TANC1: variants seen among roughly 807,000 people sequenced by gnomAD.
The protein encoded by TANC1 is protein TANC1.
TANC1 carries 77 observed loss-of-function variants against 149.7 expected under a neutral mutation model. The observed-to-expected ratio is 0.51, with a 90% CI of 0.43 to 0.62. The LOEUF is 0.62. Ranked by LOEUF, TANC1 falls within the 20% of genes least tolerant of loss-of-function variation. The pLI is 0.00. For synonymous variants in TANC1, 854 were observed against 925.0 expected (o/e 0.92, Z 1.39); for missense variants, 1,985 against 2,321.8 (o/e 0.85, Z 2.98).
chr2:159,006,712 G>A (rs2037215774), intron 2 of TANC1, among the ~76,000 whole-genome samples: 2 of 152,144 alleles, frequency 1.3e-5, no homozygotes, highest in Non-Finnish European at 2.9e-5. Context: ...GAGACCCACA[G>A]CATTTTTTGA....
At chr2:159,074,598 G>A (rs2043464552) in intron 3 of TANC1, among the ~76,000 whole-genome samples, 1 of 152,116 alleles carries the variant, frequency 6.6e-6, no homozygotes, top group South Asian at 2.1e-4. Context: ...TTCTTTGTGA[G>A]GGCTTGCTCT....
At chr2:159,138,495 T>G (rs1445472536) in intron 5 of TANC1, among the ~76,000 whole-genome samples, 3 of 152,152 alleles carry the variant, frequency 2.0e-5, no homozygotes, top group East Asian at 3.9e-4. Context: ...CATGTCAAAG[T>G]GTAAATTTTA....
At chr2:159,054,352 C>CAT (rs2041692689) in intron 2 of TANC1, among the ~76,000 whole-genome samples, 1 of 152,126 alleles carries the variant, frequency 6.6e-6, no homozygotes, top group African/African-American at 2.4e-5. Context: ...CAGGGCCAGG[C>CAT]ATATGGATAG....
At chr2:159,017,561 A>T (rs1194843393) in intron 2 of TANC1, among the ~76,000 whole-genome samples, 4 of 152,150 alleles carry the variant, frequency 2.6e-5, no homozygotes, top group Non-Finnish European at 5.9e-5. Context: ...CAGACTGGAT[A>T]TACCTGTTTT....
chr2:159,220,181 T>G (rs917818767), intron 22 of TANC1, among the ~76,000 whole-genome samples: 3 of 152,202 alleles, frequency 2.0e-5, no homozygotes, highest in African/African-American at 7.2e-5. Flanking sequence ...CATATGTGAT[T>G]TTCTCAGTCA....
At chr2:159,033,758 C>G (rs1031132524) in intron 2 of TANC1, among the ~76,000 whole-genome samples, 2 of 152,178 alleles carry the variant, frequency 1.3e-5, no homozygotes. Flanking sequence ...TCTTTCTTAT[C>G]CAGCCTCTGT....
At chr2:159,228,706 CGCT>C in intron 25 of TANC1, 87 bp from the exon 26 acceptor site, 1 of 859,254 alleles carries the variant, frequency 1.2e-6, no homozygotes, top group Non-Finnish European at 1.9e-6. Flanking sequence ...TGCCTCAGAG[CGCT>C]GCTACCCTTT....
intron 2 of TANC1, chr2:159,056,693 A>C: frequency 4.2e-6 from 1 of 236,634 alleles, no homozygotes. Flanking sequence ...GGTTCTCTAA[A>C]ATGTCCACTT....
chr2:159,210,928 A>G (rs1441998057), intron 19 of TANC1, among the ~76,000 whole-genome samples: 3 of 150,832 alleles, frequency 2.0e-5, no homozygotes, highest in Admixed American at 6.6e-5. Context: ...CTGGAGTACA[A>G]TGGCACAATC....
intron 4 of TANC1, among the ~76,000 whole-genome samples, chr2:159,123,831 G>C (rs1198935996): frequency 6.6e-6 from 1 of 152,172 alleles, no homozygotes. Context: ...GAAATGGAAA[G>C]AGTAAAACCC....
At chr2:159,102,222 C>T (rs1200558825) in intron 4 of TANC1, among the ~76,000 whole-genome samples, 1 of 152,106 alleles carries the variant, frequency 6.6e-6, no homozygotes, top group African/African-American at 2.4e-5. Context: ...AAAATCTGCT[C>T]CACCTAAACC....
At chr2:159,201,863 G>T (rs1265175736) in intron 19 of TANC1, among the ~76,000 whole-genome samples, 1 of 152,184 alleles carries the variant, frequency 6.6e-6, no homozygotes, top group Non-Finnish European at 1.5e-5. Context: ...GAGCTTCCTC[G>T]TCTGTTTTGA....
At chr2:159,133,294 G>A (rs1460585529) in intron 4 of TANC1, among the ~76,000 whole-genome samples, 1 of 151,662 alleles carries the variant, frequency 6.6e-6, no homozygotes, top group Non-Finnish European at 1.5e-5. Context: ...ACCTTAGAGA[G>A]TAGGTGGCAA....
At chr2:159,051,538 A>C (rs1414814071) in intron 2 of TANC1, among the ~76,000 whole-genome samples, 1 of 152,220 alleles carries the variant, frequency 6.6e-6, no homozygotes, top group African/African-American at 2.4e-5. Context: ...CATACCTTCA[A>C]GTATAAGGCT....
chr2:159,175,003 G>A lies in TANC1; in HGVS notation c.1554G>A (p.Val518=). The change falls in exon 12 of 27, where the codon GTG becomes GTA. Residue 518 remains valine (V), a synonymous_variant. Transcript: ENST00000263635. ...CTGACAACACGTACACTTGCCTGGT[G>A]CCCGAGTTTGTGCACAGCATCGCAG... ...CQADNTYTCL[V]PEFVHSIAAL... 6.2e-7 allele frequency: 1 copy of A among 1,614,160 alleles called. No homozygotes were observed.
intron 24 of TANC1, 138 bp downstream of exon 24, chr2:159,225,917 C>T: frequency 1.4e-6 from 1 of 739,150 alleles, no homozygotes; most frequent in South Asian, 1.5e-5. Context: ...TGGGGTGGCT[C>T]ACGCCTGTAA....
At chr2:159,207,439 C>T (rs1044378562) in intron 19 of TANC1, among the ~76,000 whole-genome samples, 4 of 152,252 alleles carry the variant, frequency 2.6e-5, no homozygotes, top group South Asian at 2.1e-4. Flanking sequence ...CAGTGGCTCA[C>T]GCCTGTAATC....
chr2:159,033,958 CA>C (rs1040334936), intron 2 of TANC1, among the ~76,000 whole-genome samples: 5 of 152,186 alleles, frequency 3.3e-5, no homozygotes, highest in South Asian at 2.1e-4. Flanking sequence ...AAAACAAAAA[CA>C]AAAACAAAAA....
At chr2:159,213,458 A>T (rs1044377466) in intron 19 of TANC1, among the ~76,000 whole-genome samples, 6 of 151,678 alleles carry the variant, frequency 4.0e-5, no homozygotes, top group African/African-American at 1.5e-4. Flanking sequence ...TGTAAAACTG[A>T]CATAAATACC....
Sources: gnomAD v4.1 joint callset for allele counts (sites outside exome capture counted in the v4.1 genomes callset) on GRCh38, gnomAD v4.1.1 for gene constraint, MANE v1.5 for transcripts, NCBI Gene and HGNC (gene_info 2026-07-23, HGNC 2026-07-21) for gene names.